XKR4: variants seen among roughly 807,000 people sequenced by gnomAD.
The protein encoded by XKR4 is XK-related protein 4.
In XKR4, 12 loss-of-function variants were observed where a neutral mutation model predicts 53.9. That is an observed-to-expected ratio of 0.22 (90% CI 0.14 to 0.36). XKR4 has a LOEUF of 0.36. Ranked by LOEUF, XKR4 falls within the 10% of genes least tolerant of loss-of-function variation. The probability of loss-of-function intolerance (pLI) is 1.00; values close to 1 mark genes in which losing one functional copy is unlikely to be tolerated. For synonymous variants in XKR4, 354 were observed against 362.4 expected (o/e 0.98, Z 0.26); for missense variants, 799 against 859.5 (o/e 0.93, Z 0.88).
At chr8:55,486,323 G>A (rs1307624696) in intron 2 of XKR4, among the ~76,000 whole-genome samples, 2 of 152,170 alleles carry the variant, frequency 1.3e-5, no homozygotes, top group Non-Finnish European at 2.9e-5. Flanking sequence ...CCAAAGAGCT[G>A]AGCTGTCAAG....
At chr8:55,390,362 G>T (rs1313503922) in intron 2 of XKR4, among the ~76,000 whole-genome samples, 1 of 152,156 alleles carries the variant, frequency 6.6e-6, no homozygotes, top group African/African-American at 2.4e-5. Flanking sequence ...AGGAATTACA[G>T]TCTTTGTCCT....
At chr8:55,136,788 C>T (rs1427428922) in intron 1 of XKR4, among the ~76,000 whole-genome samples, 11 of 152,144 alleles carry the variant, frequency 7.2e-5, no homozygotes, top group African/African-American at 2.7e-4. Context: ...ATCATTTTAG[C>T]TTAAGTTTAA....
chr8:55,363,800 C>G (rs1036624928), intron 2 of XKR4, among the ~76,000 whole-genome samples: 1 of 152,150 alleles, frequency 6.6e-6, no homozygotes, highest in African/African-American at 2.4e-5. Flanking sequence ...GGGGTCTAGG[C>G]TCCAGGTCCC....
intron 2 of XKR4, among the ~76,000 whole-genome samples, chr8:55,485,861 G>A (rs149048357): frequency 5.0e-4 from 76 of 152,224 alleles, no homozygotes; most frequent in African/African-American, 1.8e-3. Context: ...GGAAAAACCA[G>A]TGCTGATCAT....
intron 2 of XKR4, among the ~76,000 whole-genome samples, chr8:55,455,523 C>G (rs1318498001): frequency 1.3e-5 from 2 of 152,118 alleles, no homozygotes; most frequent in African/African-American, 4.8e-5. Flanking sequence ...AATACTATAG[C>G]CTTCCTCGCT....
intron 1 of XKR4, among the ~76,000 whole-genome samples, chr8:55,168,422 C>T (rs1246839977): frequency 1.3e-5 from 2 of 152,152 alleles, no homozygotes; most frequent in East Asian, 3.9e-4. Flanking sequence ...ACATGAGAGG[C>T]TGAAGGATTA....
chr8:55,396,406 T>G (rs1280611908), intron 2 of XKR4, among the ~76,000 whole-genome samples: 1 of 141,332 alleles, frequency 7.1e-6, no homozygotes, highest in African/African-American at 2.7e-5. Context: ...TTGGTTTTTT[T>G]TTTTTTTTTT....
intron 2 of XKR4, among the ~76,000 whole-genome samples, chr8:55,446,159 G>A (rs185211233): frequency 1.3e-3 from 173 of 138,014 alleles, no homozygotes; most frequent in African/African-American, 4.3e-3. Context: ...TCCCAGGAAG[G>A]CAGAAAAAAT....
intron 2 of XKR4, among the ~76,000 whole-genome samples, chr8:55,385,842 A>C (rs1360957908): frequency 6.6e-6 from 1 of 152,244 alleles, no homozygotes; most frequent in Non-Finnish European, 1.5e-5. Flanking sequence ...CCATTATACC[A>C]ACAAAAAGAA....
chr8:55,426,273 G>C (rs1307141360), intron 2 of XKR4, among the ~76,000 whole-genome samples: 1 of 152,090 alleles, frequency 6.6e-6, no homozygotes, highest in Non-Finnish European at 1.5e-5. Context: ...TCTCCCCACT[G>C]CCTTTGCCTG....
intron 2 of XKR4, 68 bp from the exon 3 acceptor site, chr8:55,523,213 T>TGGGGGAA: frequency 7.2e-7 from 1 of 1,389,934 alleles, no homozygotes; most frequent in South Asian, 1.4e-5. Context: ...CCCCCAGCTC[T>TGGGGGAA]GTGTGACTTC....
chr8:55,353,145 G>T (rs1760535488), intron 1 of XKR4, among the ~76,000 whole-genome samples: 1 of 152,166 alleles, frequency 6.6e-6, no homozygotes, highest in Admixed American at 6.5e-5. Context: ...GAGTGAACAA[G>T]ATCAAACACT....
chr8:55,378,918 C>A (rs1255083294), intron 2 of XKR4, among the ~76,000 whole-genome samples: 1 of 152,150 alleles, frequency 6.6e-6, no homozygotes, highest in Non-Finnish European at 1.5e-5. Flanking sequence ...TACAATATTG[C>A]CAAATGAATC....
At chr8:55,517,252 C>G (rs1216281364) in intron 2 of XKR4, 2 of 152,002 alleles carry the variant, frequency 1.3e-5, no homozygotes, top group East Asian at 3.9e-4. Flanking sequence ...TGCAAGAAAT[C>G]TGTACTTGTG....
intron 1 of XKR4, among the ~76,000 whole-genome samples, chr8:55,287,679 G>A (rs575949169): frequency 2.6e-5 from 4 of 152,304 alleles, no homozygotes; most frequent in African/African-American, 9.6e-5. Flanking sequence ...TGTGGGGAGG[G>A]GATCAGCCTC....
At chr8:55,369,727 T>C (rs1804047044) in intron 2 of XKR4, among the ~76,000 whole-genome samples, 1 of 152,168 alleles carries the variant, frequency 6.6e-6, no homozygotes, top group African/African-American at 2.4e-5. Flanking sequence ...CCTTTTTTAA[T>C]AATACATCAC....
intron 2 of XKR4, among the ~76,000 whole-genome samples, chr8:55,427,922 A>C (rs1805040965): frequency 6.6e-6 from 1 of 152,206 alleles, no homozygotes; most frequent in Non-Finnish European, 1.5e-5. Context: ...CATTGAGACC[A>C]ACACTCAGGG....
intron 1 of XKR4, among the ~76,000 whole-genome samples, chr8:55,293,776 A>G (rs1465001220): frequency 6.6e-6 from 1 of 152,212 alleles, no homozygotes; most frequent in Non-Finnish European, 1.5e-5. Flanking sequence ...TAGGATTCAA[A>G]GATAAATTTG....
At chr8:55,434,895 C>T (rs1805152536) in intron 2 of XKR4, among the ~76,000 whole-genome samples, 1 of 152,222 alleles carries the variant, frequency 6.6e-6, no homozygotes, top group Non-Finnish European at 1.5e-5. Flanking sequence ...CTCTCCCTTC[C>T]CTGCTGTGCC....
Sources: allele counts gnomAD v4.1 joint callset (sites outside exome capture counted in the v4.1 genomes callset), GRCh38; gene constraint gnomAD v4.1.1; transcripts MANE v1.5; gene names NCBI Gene and HGNC (gene_info 2026-07-23, HGNC 2026-07-21).